WDR44: variants seen among roughly 807,000 people sequenced by gnomAD.
WDR44 encodes WD repeat-containing protein 44.
In WDR44, 9 loss-of-function variants were observed where a neutral mutation model predicts 65.7. The ratio of observed to expected loss-of-function variants is 0.14; its 90% confidence interval spans 0.08 to 0.24. WDR44 has a LOEUF of 0.24. Among genes scored for constraint, WDR44 ranks in the 10% least tolerant of loss-of-function variants. WDR44 has a pLI of 1.00. For synonymous variants in WDR44, 220 were observed against 235.2 expected (o/e 0.94, Z 0.59); for missense variants, 425 against 670.9 (o/e 0.63, Z 4.05).
chrX:118,376,237 C>G (rs1000768945), intron 1 of WDR44, among the ~76,000 whole-genome samples: 1 of 111,667 alleles, frequency 9.0e-6, no homozygotes, highest in Non-Finnish European at 1.9e-5. Flanking sequence ...TGCACCCAGC[C>G]CATAAATGTT....
rs868694745 is a variant in WDR44, at chrX:118,394,123, G to A, written c.895G>A (p.Asp299Asn). 8.3e-7 allele frequency: 1 copy of A among 1,211,379 alleles called. No homozygotes were observed. Among genetic ancestry groups the A allele is most frequent in the Non-Finnish European group, 1.1e-6 (1 of 895,087 alleles). Residue 299 changes from aspartate (D) to asparagine (N), a missense_variant, in exon 5 of 20, where the codon GAT becomes AAT. Physicochemically the swap from Asp to Asn is conservative, Grantham distance 23 (BLOSUM62 1). Around this residue, in one of 5 missense-constraint regions of WDR44, gnomAD observed 77 missense variants for 183.5 expected, o/e 0.42. Transcript: ENST00000254029. ...CATGGCTTCAGAAAGTACGGTTAAGGATTCTCAGCCTTCTCTTGATTTGGC... is the reference window on the plus strand; with the variant it reads ...CATGGCTTCAGAAAGTACGGTTAAGAATTCTCAGCCTTCTCTTGATTTGGC... ...ASMASESTVK[D>N]SQPSLDLASA...
intron 1 of WDR44, among the ~76,000 whole-genome samples, chrX:118,350,504 A>G (rs2056395265): frequency 8.9e-6 from 1 of 111,799 alleles, no homozygotes; most frequent in African/African-American, 3.3e-5. Context: ...ATGTCTTTAT[A>G]TTGAGGTTTA....
intron 1 of WDR44, among the ~76,000 whole-genome samples, chrX:118,369,490 A>G (rs6646176): frequency 0.06 from 4,165 of 69,556 alleles, 295 homozygotes; most frequent in East Asian, 0.22. Context: ...TTTTTTTTGA[A>G]ATGGAGTCTT....
chrX:118,437,982 G>A (rs2057267796), intron 14 of WDR44, among the ~76,000 whole-genome samples: 1 of 109,778 alleles, frequency 9.1e-6, no homozygotes, highest in Admixed American at 9.8e-5. Context: ...GCTGCAGTGA[G>A]CTGAGATCGC....
Position 118,432,601 on chromosome X carries a change from G to T in WDR44, c.1738-180G>T, listed in dbSNP as rs765995819. 2.4e-3 allele frequency among the ~76,000 whole-genome samples: 266 copies of T among 112,064 alleles called. 1 individual carries two copies. Among genetic ancestry groups the T allele is most frequent in the Non-Finnish European group, 3.9e-3 (210 of 53,230 alleles). On this transcript the variant is annotated intron_variant, in intron 12 of 19. Coordinates refer to ENST00000254029, the MANE Select transcript of WDR44 (RefSeq NM_019045.5). ...CTTCAGGGATGACCCTGGTTTGTTA[G>T]GGCAAGGAGATGAAAGGAAGAGGTG... is the stretch of plus-strand genomic sequence containing the variant.
At chrX:118,400,506 T>C (rs1181933767) in intron 8 of WDR44, among the ~76,000 whole-genome samples, 2 of 111,938 alleles carry the variant, frequency 1.8e-5, no homozygotes, top group Admixed American at 9.5e-5. Flanking sequence ...AGTAAACTTA[T>C]AATTATCCAG....
At chrX:118,384,208 GCATCATT>G (rs1250531559) in intron 2 of WDR44, among the ~76,000 whole-genome samples, 22 of 111,260 alleles carry the variant, frequency 2.0e-4, no homozygotes, top group African/African-American at 7.2e-4. Context: ...AACAGAGCAT[GCATCATT>G]CAACATTCAT....
At chrX:118,355,189 C>A (rs2056448144) in intron 1 of WDR44, among the ~76,000 whole-genome samples, 1 of 111,893 alleles carries the variant, frequency 8.9e-6, no homozygotes, top group Admixed American at 9.5e-5. Flanking sequence ...GAACATTTCA[C>A]TCAGCCCCAA....
At chrX:118,435,998 A>G (rs1000802223) in intron 13 of WDR44, among the ~76,000 whole-genome samples, 3 of 112,261 alleles carry the variant, frequency 2.7e-5, no homozygotes, top group African/African-American at 9.7e-5. Context: ...AGTATAACTC[A>G]TAGTTCTCCT....
At chrX:118,382,115 T>G (rs1431863880) in intron 2 of WDR44, among the ~76,000 whole-genome samples, 1 of 112,023 alleles carries the variant, frequency 8.9e-6, no homozygotes, top group Non-Finnish European at 1.9e-5. Flanking sequence ...ACCATCCTCC[T>G]CCCTTGGCCT....
At chrX:118,396,007 G>C (rs907061678) in intron 6 of WDR44, among the ~76,000 whole-genome samples, 1 of 105,380 alleles carries the variant, frequency 9.5e-6, no homozygotes, top group Non-Finnish European at 1.9e-5. Flanking sequence ...GGGCGACAGA[G>C]CAAGACTCGG....
At chrX:118,439,522 GC>G (rs1401873079) in intron 14 of WDR44, among the ~76,000 whole-genome samples, 1 of 110,661 alleles carries the variant, frequency 9.0e-6, no homozygotes, top group East Asian at 2.9e-4. Context: ...GTTGCAGTGA[GC>G]CAAGATTGTA....
At chrX:118,391,590 A>C (rs2056820700) in intron 3 of WDR44, among the ~76,000 whole-genome samples, 1 of 112,094 alleles carries the variant, frequency 8.9e-6, no homozygotes, top group African/African-American at 3.2e-5. Context: ...AGGATAAGTG[A>C]TCTGGGAGAT....
intron 1 of WDR44, among the ~76,000 whole-genome samples, chrX:118,352,352 A>ATATATATTTTTTTTTTTTT (rs1357425730): frequency 7.0e-5 from 1 of 14,224 alleles, no homozygotes; most frequent in Non-Finnish European, 1.0e-4. Context: ...ATATATATAT[A>ATATATATTTTTTTTTTTTT]TTTTTTTTTT....
chrX:118,346,468 G>A lies in WDR44; in HGVS notation c.-36G>A. ...GACAAGAGTCACCCTTCCTCCAGGCGGCGCCGGCCCCCTCACCCGCGGGTG... is the reference window on the plus strand; with the variant it reads ...GACAAGAGTCACCCTTCCTCCAGGCAGCGCCGGCCCCCTCACCCGCGGGTG... On this transcript the variant is annotated 5_prime_UTR_variant, in exon 1 of 20. Transcript: ENST00000254029. The A allele has an allele frequency of 6.8e-6, 8 of 1,181,896 alleles. No individual in the cohort carries two copies. The highest frequency in any genetic ancestry group is 9.2e-6 in the Non-Finnish European group (8 of 869,597).
intron 14 of WDR44, among the ~76,000 whole-genome samples, chrX:118,440,760 C>T (rs1398857635): frequency 1.8e-5 from 2 of 111,063 alleles, no homozygotes; most frequent in African/African-American, 6.5e-5. Context: ...GATCACAGAA[C>T]CTTCTTCCAT....
chrX:118,396,033 T>A (rs1002718361), intron 6 of WDR44, among the ~76,000 whole-genome samples: 1 of 75,434 alleles, frequency 1.3e-5, no homozygotes, highest in African/African-American at 1.3e-4. Flanking sequence ...AGAAAAAAAA[T>A]TTAAAATAAT....
chrX:118,424,339 A>ATATATATATATATATG (rs762485693), intron 12 of WDR44, among the ~76,000 whole-genome samples: 3,357 of 85,189 alleles, frequency 0.039, 86 homozygotes, highest in Non-Finnish European at 0.052. Context: ...ATATATATAT[A>ATATATATATATATATG]TATATATATG....
chrX:118,373,865 A>G (rs2056634784), intron 1 of WDR44, among the ~76,000 whole-genome samples: 1 of 112,289 alleles, frequency 8.9e-6, no homozygotes, highest in African/African-American at 3.2e-5. Context: ...CAAAGAAGCT[A>G]AAACATGTCA....
Sources: allele counts gnomAD v4.1 joint callset (sites outside exome capture counted in the v4.1 genomes callset), GRCh38; gene constraint gnomAD v4.1.1; regional missense constraint gnomAD v4.1.1; transcripts MANE v1.5; gene names NCBI Gene and HGNC (gene_info 2026-07-23, HGNC 2026-07-21).